REDIC1: variants seen among roughly 807,000 people sequenced by gnomAD.
REDIC1 encodes the protein regulator of DNA class I crossover intermediates 1.
the REDIC1 span, among the ~76,000 whole-genome samples, chr12:39,644,170 AGTT>A: frequency 6.6e-6 from 1 of 151,826 alleles, no homozygotes; most frequent in African/African-American, 2.4e-5. Context: ...ATTATAGTAC[AGTT>A]GTTACATTAT....
chr12:39,823,232 C>G, the REDIC1 span, among the ~76,000 whole-genome samples: 1 of 152,182 alleles, frequency 6.6e-6, no homozygotes, highest in Non-Finnish European at 1.5e-5. Context: ...CACTATACTT[C>G]TCTCTATAAA....
the REDIC1 span, among the ~76,000 whole-genome samples, chr12:39,709,225 TG>T: frequency 1.7e-5 from 1 of 57,362 alleles, no homozygotes; most frequent in Admixed American, 1.8e-4. Flanking sequence ...TAGACTTATG[TG>T]TTTTTTTTTT....
the REDIC1 span, among the ~76,000 whole-genome samples, chr12:39,742,058 G>T: frequency 4.6e-5 from 7 of 152,126 alleles, no homozygotes; most frequent in Non-Finnish European, 8.8e-5. Context: ...TTCCAAAATG[G>T]TGGGGGGTAT....
At chr12:39,750,606 C>T in the REDIC1 span, among the ~76,000 whole-genome samples, 1 of 152,148 alleles carries the variant, frequency 6.6e-6, no homozygotes, top group South Asian at 2.1e-4. Flanking sequence ...ATTGCCAAGT[C>T]GATCCTAAGC....
the REDIC1 span, chr12:39,830,065 T>C: frequency 6.2e-7 from 1 of 1,612,144 alleles, no homozygotes. Context: ...CGTTTTGAAA[T>C]ATTATTATAT....
the REDIC1 span, among the ~76,000 whole-genome samples, chr12:39,679,639 A>G: frequency 6.6e-6 from 1 of 152,304 alleles, no homozygotes; most frequent in African/African-American, 2.4e-5. Context: ...AACTAGAAAA[A>G]ATATCCTAAA....
the REDIC1 span, among the ~76,000 whole-genome samples, chr12:39,760,973 C>CACACACACACACACACAT: frequency 6.6e-6 from 1 of 151,332 alleles, no homozygotes; most frequent in Admixed American, 6.6e-5. Context: ...CACACACACA[C>CACACACACACACACACAT]ATAATTGAAT....
the REDIC1 span, among the ~76,000 whole-genome samples, chr12:39,653,961 T>C: frequency 6.6e-6 from 1 of 152,002 alleles, no homozygotes; most frequent in Non-Finnish European, 1.5e-5. Context: ...TTTGTAAGTG[T>C]CCTTTATCAG....
At chr12:39,683,890 G>C in the REDIC1 span, among the ~76,000 whole-genome samples, 1 of 152,040 alleles carries the variant, frequency 6.6e-6, no homozygotes, top group African/African-American at 2.4e-5. Flanking sequence ...TTGCTTGCTT[G>C]GTTGGTATAG....
chr12:39,879,992 G>C, the REDIC1 span, among the ~76,000 whole-genome samples: 1,156 of 152,272 alleles, frequency 7.6e-3, 13 homozygotes, highest in African/African-American at 0.026. Flanking sequence ...CTTAATGATA[G>C]TGAGTTCATA....
At chr12:39,696,500 G>T in the REDIC1 span, among the ~76,000 whole-genome samples, 3 of 109,718 alleles carry the variant, frequency 2.7e-5, no homozygotes, top group African/African-American at 1.0e-4. Flanking sequence ...CCGAGATCCC[G>T]CCACTGCACT....
chr12:39,746,878 A>G, the REDIC1 span, among the ~76,000 whole-genome samples: 9 of 152,244 alleles, frequency 5.9e-5, no homozygotes, highest in Non-Finnish European at 1.3e-4. Flanking sequence ...GACTGTTAGA[A>G]GGAAAACTAA....
the REDIC1 span, among the ~76,000 whole-genome samples, chr12:39,807,819 T>C: frequency 6.6e-6 from 1 of 152,114 alleles, no homozygotes; most frequent in Non-Finnish European, 1.5e-5. Context: ...TAAGCCAACT[T>C]TTAATAATCG....
the REDIC1 span, among the ~76,000 whole-genome samples, chr12:39,653,515 C>CTTCTTCTTCTTCTTA: frequency 1.8e-5 from 1 of 54,982 alleles, no homozygotes; most frequent in African/African-American, 5.4e-5. Flanking sequence ...TCTTCTTCTT[C>CTTCTTCTTCTTCTTA]TTCTTCTTCT....
the REDIC1 span, among the ~76,000 whole-genome samples, chr12:39,704,790 G>C: frequency 6.6e-6 from 1 of 152,156 alleles, no homozygotes; most frequent in Non-Finnish European, 1.5e-5. Context: ...GATGAAATTG[G>C]AAATCATCAT....
chr12:39,880,768 C>G, the REDIC1 span, among the ~76,000 whole-genome samples: 6 of 152,200 alleles, frequency 3.9e-5, no homozygotes, highest in Non-Finnish European at 8.8e-5. Context: ...TGGCTTCATA[C>G]CTCTGGCGGC....
the REDIC1 span, chr12:39,907,961 C>A: frequency 6.6e-6 from 1 of 151,316 alleles, no homozygotes; most frequent in Non-Finnish European, 1.5e-5. Context: ...AAGTTTCAGT[C>A]TATTGCAGCT....
the REDIC1 span, among the ~76,000 whole-genome samples, chr12:39,842,057 A>T: frequency 1.3e-5 from 2 of 152,228 alleles, no homozygotes; most frequent in South Asian, 2.1e-4. Flanking sequence ...TCAGATTTAC[A>T]GAGGTTCAAC....
the REDIC1 span, among the ~76,000 whole-genome samples, chr12:39,794,002 C>T: frequency 1.3e-5 from 2 of 151,700 alleles, no homozygotes; most frequent in Non-Finnish European, 2.9e-5. Flanking sequence ...ATTTTCTGCT[C>T]TGAACCTAAT....
Sources: allele counts gnomAD v4.1 joint callset (sites outside exome capture counted in the v4.1 genomes callset), GRCh38; gene constraint gnomAD v4.1.1; transcripts MANE v1.5; gene names NCBI Gene and HGNC (gene_info 2026-07-23, HGNC 2026-07-21).